The following SEMA3D variants were observed in gnomAD, a reference collection of about 807,000 sequenced individuals.
SEMA3D encodes the protein semaphorin-3D.
Under a neutral mutation model 100.1 loss-of-function variants are expected in SEMA3D, and 84 were observed. The observed-to-expected ratio is 0.84, with a 90% CI of 0.70 to 1.01. The LOEUF is 1.01. Among genes scored for constraint, SEMA3D ranks in the 50% least tolerant of loss-of-function variants. The pLI is 0.00. For synonymous variants in SEMA3D, 312 were observed against 320.7 expected (o/e 0.97, Z 0.29); for missense variants, 875 against 934.1 (o/e 0.94, Z 0.82).
the SEMA3D span, among the ~76,000 whole-genome samples, chr7:85,239,948 A>G: frequency 6.6e-6 from 1 of 152,098 alleles, no homozygotes; most frequent in Non-Finnish European, 1.5e-5. Context: ...CTACATAATC[A>G]TGTTTTCTAC....
the SEMA3D span, among the ~76,000 whole-genome samples, chr7:85,202,094 C>G: frequency 6.6e-6 from 1 of 151,316 alleles, no homozygotes; most frequent in South Asian, 2.1e-4. Context: ...TTTTAGGGTA[C>G]ATGTGCACAT....
chr7:85,201,679 G>C, the SEMA3D span, among the ~76,000 whole-genome samples: 13 of 152,190 alleles, frequency 8.5e-5, no homozygotes, highest in Admixed American at 4.6e-4. Flanking sequence ...TGGAAACCCA[G>C]AACTGAGTAG....
chr7:85,103,283 G>A (rs999185180), intron 3 of SEMA3D, among the ~76,000 whole-genome samples: 1 of 151,928 alleles, frequency 6.6e-6, no homozygotes, highest in African/African-American at 2.4e-5. Context: ...AATCAGAAAT[G>A]GATGCTGGCT....
In SEMA3D at chr7:85,007,069, A is replaced by C. The variant is rs1789819074; in HGVS notation, c.1769-128T>G. The C allele has an allele frequency of 1.4e-5, 8 of 575,954 alleles. No homozygotes were observed. The East Asian group carries it at 2.5e-4, about 18-fold the overall frequency. The allele number at this position is 575,954 out of a possible 1,614,324, so 35.7% of individuals were successfully genotyped here. The stretch of plus-strand genomic sequence containing the variant: ...ACATTATTAAAGAGAAAGGAAATTC[A>C]TGTTATAATATTGTTACCTGAGACA... On this transcript the variant is annotated intron_variant, in intron 17 of 18. Coordinates refer to ENST00000284136, the MANE Select transcript of SEMA3D (RefSeq NM_001384900.1).
At chr7:85,247,789 A>G in the SEMA3D span, among the ~76,000 whole-genome samples, 7 of 152,274 alleles carry the variant, frequency 4.6e-5, no homozygotes, top group South Asian at 2.1e-4. Context: ...GGGAAACACA[A>G]TGGAGAAAAG....
chr7:85,247,443 T>C, the SEMA3D span, among the ~76,000 whole-genome samples: 2 of 152,096 alleles, frequency 1.3e-5, no homozygotes, highest in Admixed American at 1.3e-4. Flanking sequence ...AACTAAGACA[T>C]CATGTGCACA....
chr7:85,212,840 C>T, the SEMA3D span, among the ~76,000 whole-genome samples: 1 of 151,580 alleles, frequency 6.6e-6, no homozygotes, highest in Non-Finnish European at 1.5e-5. Context: ...AGTTTTATGC[C>T]AAATGATTAC....
At chr7:85,218,015 C>T in the SEMA3D span, among the ~76,000 whole-genome samples, 3 of 152,056 alleles carry the variant, frequency 2.0e-5, no homozygotes, top group South Asian at 2.1e-4. Flanking sequence ...ACAGATTTGT[C>T]GACAAAAGTG....
Position 85,121,802 on chromosome 7 carries a change from C to T in SEMA3D, c.90G>A (p.Leu30=), listed in dbSNP as rs372633293. The change falls in exon 3 of 19, where the codon TTG becomes TTA. Residue 30 remains leucine (L), a synonymous_variant. Transcript: ENST00000284136. ...TCAAAGTGCCAGTGACTGGAAGAAA[C>T]AACATGGTCATGCTTAGCATCATCA... The part of the protein sequence containing the change: ...PALMMLSMTM[L]FLPVTGTLKQ... The T allele has an allele frequency of 3.7e-6, 6 of 1,609,330 alleles. No individual in the cohort carries two copies. Among genetic ancestry groups the T allele is most frequent in the South Asian group, 1.1e-5 (1 of 89,650 alleles).
At position 85,096,177 on chromosome 7, in the gene SEMA3D, C is replaced by T. The variant is rs566789089; in HGVS notation, c.312+1628G>A. The stretch of plus-strand genomic sequence containing the variant: ...TTTCCTTGGCCACTTTCATAAAACA[C>T]GTCATCCCCTGCTAAGATATTTACT... On this transcript the variant is annotated intron_variant, in intron 4 of 18. Coordinates refer to ENST00000284136, the MANE Select transcript of SEMA3D (RefSeq NM_001384900.1). 1.5e-3 allele frequency among the ~76,000 whole-genome samples: 232 copies of T among 151,982 alleles called. 2 individuals are homozygous for T. Among genetic ancestry groups the T allele is most frequent in the African/African-American group, 5.3e-3 (222 of 41,510 alleles).
chr7:85,181,788 A>G (rs1368542565), intron 1 of SEMA3D: 34 of 980,976 alleles, frequency 3.5e-5, no homozygotes, highest in Non-Finnish European at 3.4e-5. Flanking sequence ...AAAGATTAGC[A>G]TGCTAGTTAA....
chr7:84,998,090 T>C lies in SEMA3D; in HGVS notation c.*1350A>G, dbSNP rs1562776253. 6.6e-6 allele frequency: 1 copy of C among 152,160 alleles called. No homozygotes were observed. The highest frequency in any genetic ancestry group is 1.9e-4 in the East Asian group (1 of 5,198). 9.4% of individuals were successfully genotyped at this position (152,160 alleles called of 1,614,324 possible). On this transcript the variant is annotated 3_prime_UTR_variant, in exon 19 of 19. Transcript: ENST00000284136. The stretch of plus-strand genomic sequence containing the variant: ...GATTAACTCAGCAATGAGAAAAGGT[T>C]GAGTGAAGATGTCAAAGAGTTAATT...
At chr7:85,226,253 G>A in the SEMA3D span, among the ~76,000 whole-genome samples, 4 of 152,144 alleles carry the variant, frequency 2.6e-5, no homozygotes, top group African/African-American at 9.6e-5. Context: ...GTGTGCTCAT[G>A]AGTTTAGTTT....
At chr7:85,207,430 C>T in the SEMA3D span, among the ~76,000 whole-genome samples, 1 of 151,988 alleles carries the variant, frequency 6.6e-6, no homozygotes, top group East Asian at 1.9e-4. Flanking sequence ...GCAGAGAAAA[C>T]AGTTTGCCAA....
chr7:85,100,291 G>T (rs1377136924), intron 3 of SEMA3D, among the ~76,000 whole-genome samples: 1 of 150,352 alleles, frequency 6.7e-6, no homozygotes. Context: ...AATTGAATTG[G>T]AGTCTTCAGT....
chr7:85,170,330 A>C (rs1440214070), intron 1 of SEMA3D, among the ~76,000 whole-genome samples: 2 of 151,930 alleles, frequency 1.3e-5, no homozygotes, highest in Non-Finnish European at 2.9e-5. Flanking sequence ...AAAAAAGATC[A>C]TGAGGTATTC....
At chr7:85,241,148 T>TA in the SEMA3D span, among the ~76,000 whole-genome samples, 1 of 151,612 alleles carries the variant, frequency 6.6e-6, no homozygotes, top group East Asian at 1.9e-4. Flanking sequence ...ATGGCCATAA[T>TA]AAAAAAATCA....
At chr7:85,167,126 C>T (rs576274630) in intron 1 of SEMA3D, 9 of 255,610 alleles carry the variant, frequency 3.5e-5, no homozygotes, top group Admixed American at 6.5e-5. Flanking sequence ...CTGAGACCCG[C>T]CTGAAGATCA....
At chr7:85,068,875 A>G (rs1321951077) in intron 6 of SEMA3D, among the ~76,000 whole-genome samples, 3 of 152,188 alleles carry the variant, frequency 2.0e-5, no homozygotes, top group Non-Finnish European at 4.4e-5. Flanking sequence ...AAAACACTGT[A>G]CACATTAAAC....
Sources: gnomAD v4.1 joint callset for allele counts (sites outside exome capture counted in the v4.1 genomes callset) on GRCh38, gnomAD v4.1.1 for gene constraint, MANE v1.5 for transcripts, NCBI Gene and HGNC (gene_info 2026-07-23, HGNC 2026-07-21) for gene names.